CCDC181: variants seen among roughly 807,000 people sequenced by gnomAD.
The protein encoded by CCDC181 is coiled-coil domain containing 181.
CCDC181 carries 35 observed loss-of-function variants against 58.7 expected under a neutral mutation model. The ratio of observed to expected loss-of-function variants is 0.60; its 90% CI spans 0.46 to 0.79. The LOEUF is 0.79. Ranked by LOEUF, CCDC181 falls within the 30% of genes least tolerant of loss-of-function variation. The pLI, the probability that CCDC181 is intolerant of heterozygous loss-of-function variation, is 0.00. For missense variants in CCDC181, 517 were observed against 583.9 expected, an observed-to-expected ratio of 0.89 and a Z score of 1.18; for synonymous variants, 183 against 197.5, an observed-to-expected ratio of 0.93 and a Z score of 0.62.
chr1:169,414,570 T>A (rs1430666959), intron 4 of CCDC181, among the ~76,000 whole-genome samples: 1 of 152,154 alleles, frequency 6.6e-6, no homozygotes. Flanking sequence ...ACATACATTT[T>A]CATGTGTGTG....
intron 4 of CCDC181, among the ~76,000 whole-genome samples, chr1:169,414,422 C>T (rs10919163): frequency 0.12 from 18,303 of 152,106 alleles, 1,160 homozygotes; most frequent in Admixed American, 0.14. Context: ...TGGGGGAAGA[C>T]AATAAGCATG....
chr1:169,436,390 T>G (rs1657054889), intron 2 of CCDC181, among the ~76,000 whole-genome samples: 1 of 152,088 alleles, frequency 6.6e-6, no homozygotes, highest in Admixed American at 6.6e-5. Context: ...AGGAATAGAT[T>G]TCATCTTATG....
intron 2 of CCDC181, among the ~76,000 whole-genome samples, chr1:169,453,186 C>T (rs1324856995): frequency 6.6e-6 from 1 of 151,936 alleles, no homozygotes; most frequent in East Asian, 1.9e-4. Flanking sequence ...CCTTATTACA[C>T]AGGGTAAAAC....
At chr1:169,398,362 G>C (rs1213242559) in intron 4 of CCDC181, among the ~76,000 whole-genome samples, 1 of 152,160 alleles carries the variant, frequency 6.6e-6, no homozygotes, top group African/African-American at 2.4e-5. Context: ...ATGTGTACAT[G>C]TATCAAAACA....
chr1:169,443,123 C>A, intron 2 of CCDC181: 1 of 151,598 alleles, frequency 6.6e-6, no homozygotes, highest in East Asian at 1.9e-4. Context: ...ATGTGTCACA[C>A]CAAAGGCTGG....
At chr1:169,403,307 C>T (rs572333040) in intron 4 of CCDC181, among the ~76,000 whole-genome samples, 17 of 152,268 alleles carry the variant, frequency 1.1e-4, no homozygotes, top group Admixed American at 7.2e-4. Context: ...CTGCACCAAG[C>T]GGACCTAATA....
chr1:169,457,383 C>T (rs1304347032), intron 2 of CCDC181, among the ~76,000 whole-genome samples: 3 of 151,990 alleles, frequency 2.0e-5, no homozygotes, highest in Non-Finnish European at 2.9e-5. Flanking sequence ...TTCTGTTCAC[C>T]TTATATCTTA....
chr1:169,434,480 C>T (rs1054519142), intron 2 of CCDC181, among the ~76,000 whole-genome samples: 1 of 151,946 alleles, frequency 6.6e-6, no homozygotes, highest in Admixed American at 6.6e-5. Context: ...AATATTTGTA[C>T]AGTCATGTTC....
intron 4 of CCDC181, among the ~76,000 whole-genome samples, chr1:169,414,019 T>C (rs1009102720): frequency 6.6e-6 from 1 of 151,574 alleles, no homozygotes; most frequent in Non-Finnish European, 1.5e-5. Flanking sequence ...AAAATATAAT[T>C]AAAAAAAATA....
chr1:169,447,406 C>T (rs905598643), intron 2 of CCDC181, among the ~76,000 whole-genome samples: 7 of 152,176 alleles, frequency 4.6e-5, no homozygotes, highest in Non-Finnish European at 8.8e-5. Context: ...GAATGAGCCA[C>T]GGTGCCTGGC....
Position 169,439,065 on chromosome 1 carries a change from G to GAACTGAGAC in CCDC181, c.-23-14124_-23-14116dup, listed in dbSNP as rs1657134282. Among the ~76,000 whole-genome samples, 3 of 152,086 alleles carry GAACTGAGAC rather than the reference G, an allele frequency of 2.0e-5. No homozygotes were observed. In the South Asian group the frequency reaches 6.2e-4, roughly 32 times the overall value. On this transcript the variant is annotated intron_variant, in intron 2 of 6. Coordinates refer to the CCDC181 transcript ENST00000545005. Reference sequence around the variant, plus strand: ...GCCAACTGAGACCCCCCCAGGAGCTGAACTGAGACAGACACCCCACAGTGG... The same window carrying GAACTGAGAC: ...GCCAACTGAGACCCCCCCAGGAGCTGAACTGAGACAACTGAGACAGACACCCCACAGTGG...
At chr1:169,460,431 C>A (rs1657812167) in exon 1 of CCDC181, 1 of 152,336 alleles carries the variant, frequency 6.6e-6, no homozygotes, top group African/African-American at 2.4e-5. Flanking sequence ...GGTGGAAAGA[C>A]CATCCGAGGG....
chr1:169,419,131 T>C lies in CCDC181; in HGVS notation c.1097A>G (p.Lys366Arg). 1 of 1,604,788 alleles carries C rather than the reference T, an allele frequency of 6.2e-7. No homozygotes were observed. The highest frequency in any genetic ancestry group is 8.5e-7 in the Non-Finnish European group (1 of 1,177,700). ...TATGTCATTCTCTCTCTTTTTTTCT[T>C]TCTCTTCTTCTATTTTTCGTCGCTC... The part of the protein sequence containing the change: ...EEERRKIEEE[K>R]EKKRENDIVF... Residue 366 changes from lysine to arginine, a missense_variant, in exon 4 of 6, where the codon AAA becomes AGA. Physicochemically the swap from Lys to Arg is conservative, Grantham distance 26. Transcript: ENST00000367806.
At chr1:169,444,630 A>T (rs1481064482) in intron 2 of CCDC181, among the ~76,000 whole-genome samples, 1 of 152,190 alleles carries the variant, frequency 6.6e-6, no homozygotes, top group Non-Finnish European at 1.5e-5. Context: ...GGATTTTTTT[A>T]AATTTGAATT....
chr1:169,454,024 T>A (rs907907623), intron 2 of CCDC181, among the ~76,000 whole-genome samples: 1 of 152,042 alleles, frequency 6.6e-6, no homozygotes, highest in South Asian at 2.1e-4. Flanking sequence ...TGTCCCCTCC[T>A]TCTTCAGGAC....
chr1:169,396,310 T>G (rs1225862426), intron 5 of CCDC181: 1 of 152,176 alleles, frequency 6.6e-6, no homozygotes, highest in African/African-American at 2.4e-5. Context: ...TCTCAGCACT[T>G]TGGGAGGCCA....
intron 2 of CCDC181, among the ~76,000 whole-genome samples, chr1:169,438,309 T>C (rs181501285): frequency 1.6e-3 from 247 of 152,154 alleles, no homozygotes; most frequent in African/African-American, 5.3e-3. Context: ...CAGAAACTCG[T>C]GTGGTAAGAA....
At chr1:169,444,238 C>T (rs1250895211) in intron 2 of CCDC181, among the ~76,000 whole-genome samples, 1 of 152,168 alleles carries the variant, frequency 6.6e-6, no homozygotes, top group Non-Finnish European at 1.5e-5. Context: ...TTTTATTTGA[C>T]ACCTATGATG....
In CCDC181 at chr1:169,397,278, G is replaced by T. The variant is rs2272801; in HGVS notation, c.1329C>A (p.Phe443Leu). 6.2e-7 allele frequency: 1 copy of T among 1,609,312 alleles called. No homozygotes were observed. The highest frequency in any genetic ancestry group is 8.5e-7 in the Non-Finnish European group (1 of 1,178,038). The stretch of plus-strand genomic sequence containing the variant: ...CCCGGCCTTCTGTTCCTTTAAGGAA[G>T]AATAAACATTCCTCTTGCTTTCTTA... ...EELRKQEECL[F>L]FLKGTEGRER... The change falls in exon 5 of 6, where the codon TTC becomes TTA. Residue 443 changes from phenylalanine to leucine, a missense_variant. Physicochemically the swap from Phe to Leu is conservative, Grantham distance 22. Coordinates refer to ENST00000367806, the MANE Select transcript of CCDC181 (RefSeq NM_001300969.2).
Sources: gnomAD v4.1 joint callset for allele counts (sites outside exome capture counted in the v4.1 genomes callset) on GRCh38, gnomAD v4.1.1 for gene constraint, MANE v1.5 for transcripts, NCBI Gene and HGNC (gene_info 2026-07-23, HGNC 2026-07-21) for gene names.